KCNMB3: variants seen among roughly 807,000 people sequenced by gnomAD.
KCNMB3 encodes the protein calcium-activated potassium channel subunit beta-3.
In KCNMB3, 18 loss-of-function variants were observed where a neutral mutation model predicts 11.9. The ratio of observed to expected loss-of-function variants is 1.51; its 90% CI spans 1.04 to 2.23. The LOEUF is 2.23. Among genes scored for constraint, KCNMB3 ranks in the 30% most tolerant of loss-of-function variants. KCNMB3 has a pLI of 0.00. For synonymous variants in KCNMB3, 78 were observed against 119.2 expected (o/e 0.65, Z 2.25); for missense variants, 247 against 329.4 (o/e 0.75, Z 1.94).
intron 1 of KCNMB3, among the ~76,000 whole-genome samples, chr3:179,245,285 C>T (rs1286848176): frequency 6.6e-6 from 1 of 152,136 alleles, no homozygotes; most frequent in Non-Finnish European, 1.5e-5. Context: ...ACATAGCCTA[C>T]ACAATTTCTG....
intron 1 of KCNMB3, among the ~76,000 whole-genome samples, chr3:179,265,419 TAGTG>T (rs1471033944): frequency 2.0e-5 from 3 of 152,172 alleles, no homozygotes; most frequent in Non-Finnish European, 4.4e-5. Context: ...TATTTCCAGA[TAGTG>T]AGTGAACCTG....
At chr3:179,253,053 T>A (rs1227116933), upstream of KCNMB3, among the ~76,000 whole-genome samples, 1 of 152,304 alleles carries the variant, frequency 6.6e-6, no homozygotes, top group African/African-American at 2.4e-5. Context: ...TATCAATAAA[T>A]ATGACAGATT....
intron 1 of KCNMB3, chr3:179,260,850 TA>T: frequency 8.1e-7 from 1 of 1,229,088 alleles, no homozygotes; most frequent in African/African-American, 1.5e-5. Flanking sequence ...TCCAGCAACA[TA>T]TCTTTCAGGG....
intron 1 of KCNMB3, among the ~76,000 whole-genome samples, chr3:179,257,041 A>G (rs1726032622): frequency 6.6e-6 from 1 of 152,142 alleles, no homozygotes; most frequent in South Asian, 2.1e-4. Flanking sequence ...TGGCACACCT[A>G]TAGTCCTAGC....
chr3:179,241,682 A>G (rs1725462987), downstream of KCNMB3: 1 of 152,254 alleles, frequency 6.6e-6, no homozygotes, highest in African/African-American at 2.4e-5. Context: ...CAACCTGGAA[A>G]GCATTTGTTG....
chr3:179,259,954 C>G, intron 1 of KCNMB3: 1 of 1,613,056 alleles, frequency 6.2e-7, no homozygotes, highest in Non-Finnish European at 8.5e-7. Context: ...TCGTTGTGAT[C>G]CCTACCTGCT....
chr3:179,250,257 A>C (rs6774163), intron 1 of KCNMB3, among the ~76,000 whole-genome samples: 7,318 of 152,264 alleles, frequency 0.048, 232 homozygotes, highest in Middle Eastern at 0.19. Flanking sequence ...CATGTTGTTC[A>C]AAGGTCAACT....
intron 1 of KCNMB3, among the ~76,000 whole-genome samples, chr3:179,257,864 A>T (rs1249795886): frequency 6.0e-5 from 7 of 116,608 alleles, no homozygotes; most frequent in African/African-American, 2.3e-4. Context: ...AGGCATGAAA[A>T]CATTGTTTTG....
chr3:179,250,395 T>C (rs1725793397), intron 1 of KCNMB3, among the ~76,000 whole-genome samples: 2 of 152,256 alleles, frequency 1.3e-5, no homozygotes, highest in African/African-American at 4.8e-5. Context: ...ACTTTTATTG[T>C]GCTCACATAC....
chr3:179,263,783 GTTTTTC>G (rs1726294951), intron 1 of KCNMB3, among the ~76,000 whole-genome samples: 1 of 118,646 alleles, frequency 8.4e-6, no homozygotes, highest in Non-Finnish European at 1.8e-5. Flanking sequence ...TTTCTGTTTT[GTTTTTC>G]TTTTTCTTTT....
chr3:179,259,639 T>A, intron 1 of KCNMB3: 1 of 1,609,190 alleles, frequency 6.2e-7, no homozygotes, highest in East Asian at 2.2e-5. Context: ...TTAATTTCAC[T>A]TAAATCTGTG....
At chr3:179,246,095 T>C (rs138965330) in intron 1 of KCNMB3, among the ~76,000 whole-genome samples, 75 of 152,296 alleles carry the variant, frequency 4.9e-4, no homozygotes, top group African/African-American at 1.7e-3. Flanking sequence ...TAAGTTAGAT[T>C]AGCAAGCTCT....
intron 1 of KCNMB3, among the ~76,000 whole-genome samples, chr3:179,261,904 G>C (rs911356448): frequency 3.3e-5 from 5 of 152,030 alleles, no homozygotes; most frequent in African/African-American, 1.2e-4. Flanking sequence ...ATACAAAAAG[G>C]GTGAAATTTA....
At chr3:179,241,471 G>T (rs546071616), downstream of KCNMB3, 1 of 154,304 alleles carries the variant, frequency 6.5e-6, no homozygotes, top group Non-Finnish European at 1.5e-5. Flanking sequence ...AATATGTGTC[G>T]AAATTAATTG....
intron 1 of KCNMB3, among the ~76,000 whole-genome samples, chr3:179,247,866 G>A (rs1234546419): frequency 6.6e-6 from 1 of 151,784 alleles, no homozygotes; most frequent in Non-Finnish European, 1.5e-5. Flanking sequence ...CCTTTTTTAT[G>A]ACCCCTTTCC....
chr3:179,247,629 A>G (rs1405072287), intron 1 of KCNMB3, among the ~76,000 whole-genome samples: 5 of 152,214 alleles, frequency 3.3e-5, no homozygotes, highest in African/African-American at 1.2e-4. Context: ...AAGGAAACAC[A>G]ACCAGATACA....
upstream of KCNMB3, among the ~76,000 whole-genome samples, chr3:179,253,875 G>A (rs982907535): frequency 5.3e-5 from 8 of 152,020 alleles, no homozygotes; most frequent in African/African-American, 1.9e-4. Context: ...TTTTATTATT[G>A]TAAAAGTAAC....
rs552146320 is a variant in KCNMB3, at chr3:179,259,582, C to A, written c.62+7067G>T. ...GGATTTTCAGTCACCTCGTTTTGGG[C>A]TTCCACTGCTGACTTTCTGTCAGTA... On this transcript the variant is annotated intron_variant, in intron 1 of 3. Coordinates refer to the KCNMB3 transcript ENST00000349697. The A allele has an allele frequency of 9.9e-6, 16 of 1,608,218 alleles. No individual in the cohort carries two copies. The South Asian group carries it at 1.3e-4, about 13-fold the overall frequency.
chr3:179,245,890 A>G (rs1725626059), intron 1 of KCNMB3, among the ~76,000 whole-genome samples: 1 of 152,246 alleles, frequency 6.6e-6, no homozygotes, highest in African/African-American at 2.4e-5. Flanking sequence ...AATTCCTGCC[A>G]TGAAGACCTT....
Sources: allele counts gnomAD v4.1 joint callset (sites outside exome capture counted in the v4.1 genomes callset), GRCh38; gene constraint gnomAD v4.1.1; transcripts MANE v1.5; gene names NCBI Gene and HGNC (gene_info 2026-07-23, HGNC 2026-07-21).